The following KLHL33 variants were observed in gnomAD, a reference collection of about 807,000 sequenced individuals.
KLHL33 encodes kelch like family member 33.
In KLHL33, 46 loss-of-function variants were observed where a neutral mutation model predicts 60.8. The ratio of observed to expected loss-of-function variants is 0.76; its 90% CI spans 0.60 to 0.97. KLHL33 has a LOEUF of 0.97. Ranked by LOEUF, KLHL33 falls within the 50% of genes least tolerant of loss-of-function variation. The probability of loss-of-function intolerance (pLI) is 0.00; values close to 1 mark genes in which losing one functional copy is unlikely to be tolerated. For missense variants in KLHL33, 1,055 were observed against 1,000.0 expected (o/e 1.05, Z -0.74); for synonymous variants, 434 against 432.2 (o/e 1.00, Z -0.05).
At position 20,429,408 on chromosome 14, in the gene KLHL33, G is replaced by A. The variant is rs1439369025; in HGVS notation, c.1842-7C>T. The A allele has an allele frequency of 3.2e-6, 5 of 1,551,436 alleles. No individual in the cohort carries two copies. The highest frequency in any genetic ancestry group is 1.4e-5 in the African/African-American group (1 of 73,156). The stretch of plus-strand genomic sequence containing the variant: ...TGGAAGTGCAGGTGCTGGCCTAAGG[G>A]AGAACAGGACACAAGATAAGGCAAC... On this transcript the variant is annotated splice_region_variant and splice_polypyrimidine_tract_variant and intron_variant, in intron 4 of 4. Coordinates refer to ENST00000636854, the MANE Select transcript of KLHL33 (RefSeq NM_001365790.2).
At chr14:20,436,057 G>A (rs144427072) in intron 1 of KLHL33, 42 bp downstream of exon 1, 4 of 349,938 alleles carry the variant, frequency 1.1e-5, no homozygotes, top group African/African-American at 4.2e-5. Context: ...TCCGGTAACC[G>A]GGACCACACC....
rs1880343286 is a variant in KLHL33, at chr14:20,427,921, G to C, written c.*928C>G. ...TCTGGGGGAAAGGAACTGAAAGGGG[G>C]AAATGACTTTTCTGAGTCTTGTCTG... On this transcript the variant is annotated 3_prime_UTR_variant, in exon 5 of 5. Transcript: ENST00000636854. The C allele has an allele frequency of 6.6e-6, 1 of 152,218 alleles. No homozygotes were observed. Among genetic ancestry groups the C allele is most frequent in the Admixed American group, 6.5e-5 (1 of 15,280 alleles). 9.4% of individuals were successfully genotyped at this position (152,218 alleles called of 1,614,324 possible).
intron 2 of KLHL33, among the ~76,000 whole-genome samples, chr14:20,433,295 T>C (rs1056059975): frequency 8.5e-5 from 13 of 152,154 alleles, no homozygotes; most frequent in African/African-American, 3.1e-4. Context: ...AGGTGGGGGG[T>C]AATGCTCCTA....
intron 2 of KLHL33, 23 bp from the exon 3 acceptor site, chr14:20,430,742 G>A: frequency 6.8e-7 from 1 of 1,461,848 alleles, no homozygotes; most frequent in Non-Finnish European, 9.0e-7. Context: ...AGAAGGAATA[G>A]AGGAGGACTC....
Position 20,426,219 on chromosome 14 carries a change from A to C in KLHL33, c.*2630T>G, listed in dbSNP as rs1208632368. On this transcript the variant is annotated 3_prime_UTR_variant, in exon 5 of 5. Transcript: ENST00000636854. ...ATGGTAATAGAAAACTGACCTACAC[A>C]GGCCGGGCATTGTGGCTCACGCCTG... 1 of 152,178 alleles carries C rather than the reference A, an allele frequency of 6.6e-6. No homozygotes were observed. The highest frequency in any genetic ancestry group is 1.5e-5 in the Non-Finnish European group (1 of 68,044). 9.4% of individuals were successfully genotyped at this position (152,178 alleles called of 1,614,324 possible). A position where few individuals can be genotyped will look rare whatever the true frequency, so the allele number is the denominator to read the frequency against.
chr14:20,430,778 T>A, intron 2 of KLHL33, 59 bp from the exon 3 acceptor site: 1 of 1,226,772 alleles, frequency 8.2e-7, no homozygotes, highest in Non-Finnish European at 1.1e-6. Flanking sequence ...CGATAGGCAT[T>A]ACCCCAACTT....
intron 2 of KLHL33, 33 bp from the exon 3 acceptor site, chr14:20,430,752 C>T (rs1187113597): frequency 1.4e-6 from 2 of 1,421,896 alleles, no homozygotes; most frequent in Middle Eastern, 2.5e-4. Flanking sequence ...GAGGAGGACT[C>T]AAAGTATTGC....
chr14:20,430,760 T>G (rs892678265), intron 2 of KLHL33, 41 bp from the exon 3 acceptor site: 2 of 1,382,104 alleles, frequency 1.4e-6, no homozygotes, highest in African/African-American at 2.9e-5. Context: ...CTCAAAGTAT[T>G]GCAAGACCGA....
intron 2 of KLHL33, among the ~76,000 whole-genome samples, chr14:20,431,839 C>T (rs1880518812): frequency 6.6e-6 from 1 of 152,214 alleles, no homozygotes; most frequent in African/African-American, 2.4e-5. Flanking sequence ...CATCCACTGC[C>T]ACTGATGTCA....
rs577008303 is a variant in KLHL33 at position 20,427,611 on chromosome 14, A to G, written c.*1238T>C. 1.3e-5 allele frequency: 2 copies of G among 152,288 alleles called. No homozygotes were observed. The highest frequency in any genetic ancestry group is 4.1e-4 in the South Asian group (2 of 4,824). 9.4% of individuals were successfully genotyped at this position (152,288 alleles called of 1,614,324 possible). On this transcript the variant is annotated 3_prime_UTR_variant, in exon 5 of 5. Transcript: ENST00000636854. Reference sequence around the variant, plus strand: ...ACAGAAGCCTTCCTGAGCAGAGTTCACTGCTCTATCCTCTGGGCTCTCGCA... The same window carrying G: ...ACAGAAGCCTTCCTGAGCAGAGTTCGCTGCTCTATCCTCTGGGCTCTCGCA...
chr14:20,427,347 T>C lies in KLHL33; in HGVS notation c.*1502A>G, dbSNP rs1396341344. On this transcript the variant is annotated 3_prime_UTR_variant, in exon 5 of 5. Transcript: ENST00000636854. ...AGTCATAGAGGGCGGGAATACACAATCATTAAGTGAAAGCCATTATCCTCA... is the reference window on the plus strand; with the variant it reads ...AGTCATAGAGGGCGGGAATACACAACCATTAAGTGAAAGCCATTATCCTCA... 1 of 151,884 alleles carries C rather than the reference T, an allele frequency of 6.6e-6. No homozygotes were observed. Among genetic ancestry groups the C allele is most frequent in the Non-Finnish European group, 1.5e-5 (1 of 67,992 alleles). 9.4% of individuals were successfully genotyped at this position (151,884 alleles called of 1,614,324 possible).
rs776162640 is a variant in KLHL33 at position 20,429,241 on chromosome 14, T to A, written c.2002A>T (p.Met668Leu). The change falls in exon 5 of 5, where the codon ATG (methionine) becomes TTG (leucine). Residue 668 changes from methionine (M) to leucine (L), a missense_variant. By Grantham distance (15) the Met-to-Leu change is conservative. Transcript: ENST00000636854. Reference sequence around the variant, plus strand: ...ACATGGCCAGCCCGAGGTACCCCCATAGGGCTCAGAAACGTCCCTGGCTTC... The same window carrying A: ...ACATGGCCAGCCCGAGGTACCCCCAAAGGGCTCAGAAACGTCCCTGGCTTC... ...LEKPGTFLSP[M>L]GVPRAGHVMA... The A allele has an allele frequency of 2.6e-6, 4 of 1,551,568 alleles. No individual in the cohort carries two copies. In the African/African-American group the frequency reaches 5.5e-5, roughly 21 times the overall value.
chr14:20,426,366 T>C lies in KLHL33; in HGVS notation c.*2483A>G, dbSNP rs1186557532. The C allele has an allele frequency of 6.6e-6, 1 of 151,618 alleles. No homozygotes were observed. The highest frequency in any genetic ancestry group is 1.9e-4 in the East Asian group (1 of 5,172). The allele number at this position is 151,618 out of a possible 1,614,324, so 9.4% of individuals were successfully genotyped here. ...AAAATACAAAATTAGCCAGATGTAA[T>C]AGCTGTAATCCCAGCAACTCAGGGA... On this transcript the variant is annotated 3_prime_UTR_variant, in exon 5 of 5. Transcript: ENST00000636854.
At chr14:20,433,669 A>G (rs7147407) in intron 2 of KLHL33, among the ~76,000 whole-genome samples, 33,592 of 152,216 alleles carry the variant, frequency 0.22, 3,746 homozygotes, top group East Asian at 0.31. Context: ...ACCATTAAGT[A>G]GGAATATTTC....
rs1294981386 is a variant in KLHL33 at position 20,435,558 on chromosome 14, GCCGCATCTTCAT to G, written c.242_253del (p.Asp81_Ala84del). 1 of 1,234,750 alleles carries G rather than the reference GCCGCATCTTCAT, an allele frequency of 8.1e-7. No homozygotes were observed. Among genetic ancestry groups the G allele is most frequent in the Non-Finnish European group, 1.0e-6 (1 of 988,528 alleles). 76.5% of individuals were successfully genotyped at this position (1,234,750 alleles called of 1,614,324 possible). A position where few individuals can be genotyped will look rare whatever the true frequency, so the allele number is the denominator to read the frequency against. The stretch of plus-strand genomic sequence containing the variant: ...CTCGCTGCGCAGCCACTCGGGCTCT[GCCGCATCTTCAT>G]CTTCTTCCTCTTCCTCTTCTTCCTC... On this transcript the variant is annotated inframe_deletion, in exon 2 of 5. Coordinates refer to ENST00000636854, the MANE Select transcript of KLHL33 (RefSeq NM_001365790.2).
At position 20,435,290 on chromosome 14, in the gene KLHL33, G is replaced by T; in HGVS notation, c.522C>A (p.Gly174=). 8.1e-7 allele frequency: 1 copy of T among 1,234,422 alleles called. No individual in the cohort carries two copies. Among genetic ancestry groups the T allele is most frequent in the Non-Finnish European group, 1.0e-6 (1 of 988,216 alleles). 76.5% of individuals were successfully genotyped at this position (1,234,422 alleles called of 1,614,324 possible). A position where few individuals can be genotyped will look rare whatever the true frequency, so the allele number is the denominator to read the frequency against. Residue 174 remains glycine (G), a synonymous_variant, in exon 2 of 5, where the codon GGC becomes GGA. Transcript: ENST00000636854. ...VLTFAYEGVL[G]PASQGDVLAA... Reference sequence around the variant, plus strand: ...CCAGCACATCCCCCTGCGAGGCGGGGCCCAGCACCCCCTCATAGGCAAAGG... The same window carrying T: ...CCAGCACATCCCCCTGCGAGGCGGGTCCCAGCACCCCCTCATAGGCAAAGG...
rs1235149817 is a variant in KLHL33 at position 20,426,087 on chromosome 14, AAAAT to A, written c.*2758_*2761del. ...GATCTTACTAAAATAACGAAATCTAAAAATAAATAAATAAAATACATGCCAAGTA... is the reference window on the plus strand; with the variant it reads ...GATCTTACTAAAATAACGAAATCTAAAAATAAATAAAATACATGCCAAGTA... On this transcript the variant is annotated 3_prime_UTR_variant, in exon 5 of 5. Coordinates refer to ENST00000636854, the MANE Select transcript of KLHL33 (RefSeq NM_001365790.2). 3 of 152,214 alleles carry A rather than the reference AAAAT, an allele frequency of 2.0e-5. No homozygotes were observed. Among genetic ancestry groups the A allele is most frequent in the Non-Finnish European group, 2.9e-5 (2 of 68,042 alleles). 9.4% of individuals were successfully genotyped at this position (152,214 alleles called of 1,614,324 possible).
chr14:20,429,551 C>A lies in KLHL33; in HGVS notation c.1792G>T (p.Val598Phe), dbSNP rs1406525584. 2 of 1,552,244 alleles carry A rather than the reference C, an allele frequency of 1.3e-6. No homozygotes were observed. Among genetic ancestry groups the A allele is most frequent in the Admixed American group, 2.0e-5 (1 of 51,008 alleles). Residue 598 changes from valine to phenylalanine, a missense_variant, in exon 4 of 5, where the codon GTT becomes TTT. Coordinates refer to ENST00000636854, the MANE Select transcript of KLHL33 (RefSeq NM_001365790.2). ...TAGGTCTCCACAGAGTCCAGGGCAACATCATTGTGTCTTCCACCCAGGGCA... is the reference window on the plus strand; with the variant it reads ...TAGGTCTCCACAGAGTCCAGGGCAAAATCATTGTGTCTTCCACCCAGGGCA... ...LYALGGRHND[V>F]ALDSVETYNP...
Position 20,425,867 on chromosome 14 carries a change from ACCTTTATTTAAGTCTG to A in KLHL33, c.*2966_*2981del, listed in dbSNP as rs1164556873. The A allele has an allele frequency of 6.6e-6, 1 of 152,276 alleles. No individual in the cohort carries two copies. Among genetic ancestry groups the A allele is most frequent in the East Asian group, 1.9e-4 (1 of 5,178 alleles). The allele number at this position is 152,276 out of a possible 1,614,324, so 9.4% of individuals were successfully genotyped here. ...ATAAGAAAGATTCAGTCACTATGAA[ACCTTTATTTAAGTCTG>A]CCTTTAGGTACAAATCACAAAAAAT... On this transcript the variant is annotated 3_prime_UTR_variant, in exon 5 of 5. Coordinates refer to ENST00000636854, the MANE Select transcript of KLHL33 (RefSeq NM_001365790.2).
Sources: gnomAD v4.1 joint callset for allele counts (sites outside exome capture counted in the v4.1 genomes callset) on GRCh38, gnomAD v4.1.1 for gene constraint, MANE v1.5 for transcripts, NCBI Gene and HGNC (gene_info 2026-07-23, HGNC 2026-07-21) for gene names.